NAA50: variants seen among roughly 807,000 people sequenced by gnomAD.
NAA50 encodes N-alpha-acetyltransferase 50, NatE catalytic subunit, also known as N-alpha-acetyltransferase 50.
In NAA50, 7 loss-of-function variants were observed where a neutral mutation model predicts 20.7. The observed-to-expected ratio is 0.34, with a 90% CI of 0.19 to 0.63. NAA50 has a LOEUF of 0.63. Among genes scored for constraint, NAA50 ranks in the 30% least tolerant of loss-of-function variants. NAA50 has a pLI of 0.75. For missense variants in NAA50, 111 were observed against 199.1 expected (o/e 0.56, Z 2.66); for synonymous variants, 54 against 70.6 (o/e 0.77, Z 1.18).
chr3:113,745,768 A>T, intron 1 of NAA50, 174 bp downstream of exon 1: 1 of 761,872 alleles, frequency 1.3e-6, no homozygotes, highest in East Asian at 3.3e-5. Context: ...GCCCGCCAAC[A>T]GCCCGAGCCT....
At chr3:113,722,061 G>C (rs894090349) in intron 4 of NAA50, 124 bp from the exon 5 acceptor site, 34 of 847,704 alleles carry the variant, frequency 4.0e-5, no homozygotes, top group Non-Finnish European at 6.0e-5. Flanking sequence ...AATCAACAAG[G>C]GTTAGGCATG....
At position 113,718,377 on chromosome 3, in the gene NAA50, C is replaced by T. The variant is rs1179274742; in HGVS notation, c.*3383G>A. ...CACCCAGTTAAGCAGCTCCTAGATT[C>T]CTGATCCAGAACTGTGGAAGGTAAT... On this transcript the variant is annotated 3_prime_UTR_variant, in exon 5 of 5. Coordinates refer to ENST00000240922, the MANE Select transcript of NAA50 (RefSeq NM_025146.4). 1 of 152,218 alleles carries T rather than the reference C, an allele frequency of 6.6e-6. No individual in the cohort carries two copies. Among genetic ancestry groups the T allele is most frequent in the Non-Finnish European group, 1.5e-5 (1 of 68,070 alleles). The allele number at this position is 152,218 out of a possible 1,614,324, so 9.4% of individuals were successfully genotyped here.
chr3:113,736,475 T>C (rs1444456613), intron 1 of NAA50, among the ~76,000 whole-genome samples: 5 of 152,226 alleles, frequency 3.3e-5, no homozygotes, highest in Non-Finnish European at 7.3e-5. Flanking sequence ...GGTTAGACTA[T>C]GCTAGTAAGA....
At chr3:113,733,900 A>G (rs1013980467) in intron 1 of NAA50, among the ~76,000 whole-genome samples, 1 of 151,434 alleles carries the variant, frequency 6.6e-6, no homozygotes, top group Non-Finnish European at 1.5e-5. Context: ...TTCATATTAA[A>G]TATTAAAGTA....
At chr3:113,745,660 G>A in intron 1 of NAA50, 1 of 442,690 alleles carries the variant, frequency 2.3e-6, no homozygotes, top group Non-Finnish European at 4.0e-6. Context: ...GCCTTTCCAT[G>A]TTGCCCCACT....
At chr3:113,723,663 A>G in intron 2 of NAA50, 122 bp from the exon 3 acceptor site, 1 of 1,179,300 alleles carries the variant, frequency 8.5e-7, no homozygotes, top group Non-Finnish European at 1.2e-6. Flanking sequence ...TTTCATGAAT[A>G]TCAATGATCT....
intron 1 of NAA50, among the ~76,000 whole-genome samples, chr3:113,724,299 C>A (rs1426304099): frequency 6.6e-6 from 1 of 152,134 alleles, no homozygotes; most frequent in African/African-American, 2.4e-5. Flanking sequence ...TAATTACATA[C>A]ATTCAGGGAC....
At chr3:113,736,383 AG>A (rs1358517969) in intron 1 of NAA50, among the ~76,000 whole-genome samples, 2 of 152,216 alleles carry the variant, frequency 1.3e-5, no homozygotes, top group African/African-American at 2.4e-5. Flanking sequence ...TGAAAAATGC[AG>A]TTACTTATCT....
At chr3:113,732,395 T>C (rs867485327) in intron 1 of NAA50, among the ~76,000 whole-genome samples, 1 of 152,318 alleles carries the variant, frequency 6.6e-6, no homozygotes, top group Middle Eastern at 3.4e-3. Flanking sequence ...AACACAATCC[T>C]ACTGTATTAG....
At chr3:113,733,983 A>G (rs1203501394) in intron 1 of NAA50, among the ~76,000 whole-genome samples, 1 of 152,156 alleles carries the variant, frequency 6.6e-6, no homozygotes, top group African/African-American at 2.4e-5. Flanking sequence ...GGAAAAGGGA[A>G]AAGTATAGGT....
chr3:113,723,835 C>CCCAT, intron 2 of NAA50, 124 bp downstream of exon 2: 2 of 1,111,318 alleles, frequency 1.8e-6, no homozygotes, highest in Admixed American at 3.1e-5. Flanking sequence ...CTAGACCACT[C>CCCAT]CCATTTCCTC....
intron 1 of NAA50, chr3:113,741,049 G>C: frequency 2.0e-6 from 1 of 489,758 alleles, no homozygotes; most frequent in Non-Finnish European, 4.0e-6. Flanking sequence ...CAGTGTCTGA[G>C]AATCTGAACT....
At chr3:113,745,856 T>C in intron 1 of NAA50, 86 bp downstream of exon 1, 1 of 1,472,676 alleles carries the variant, frequency 6.8e-7, no homozygotes, top group Non-Finnish European at 9.2e-7. Context: ...CCTGAATCTC[T>C]CCTCGCCTTT....
intron 1 of NAA50, among the ~76,000 whole-genome samples, chr3:113,727,439 G>C (rs985397522): frequency 6.6e-6 from 1 of 152,076 alleles, no homozygotes; most frequent in Non-Finnish European, 1.5e-5. Context: ...AATAATACCA[G>C]GTATTTCTTG....
Position 113,745,993 on chromosome 3 carries a change from C to T in NAA50, c.-44G>A. ...CCGTCGTTACCACCGATATCAACGC[C>T]GTCGTAGTCGCCGCCCTTAGGTCTC... On this transcript the variant is annotated 5_prime_UTR_variant, in exon 1 of 5. Transcript: ENST00000240922. 1 of 1,605,500 alleles carries T rather than the reference C, an allele frequency of 6.2e-7. No homozygotes were observed. Among genetic ancestry groups the T allele is most frequent in the South Asian group, 1.1e-5 (1 of 90,782 alleles).
chr3:113,741,955 GAAAT>G (rs946294263), intron 1 of NAA50, among the ~76,000 whole-genome samples: 10 of 152,166 alleles, frequency 6.6e-5, no homozygotes, highest in Admixed American at 6.5e-4. Context: ...ATTAAATACT[GAAAT>G]AAATTTTATT....
rs116389844 is a variant in NAA50, at chr3:113,745,243, A to T, written c.8+699T>A. 8.9e-3 allele frequency among the ~76,000 whole-genome samples: 1,354 copies of T among 152,336 alleles called. 16 individuals carry two copies. The highest frequency in any genetic ancestry group is 0.031 in the African/African-American group (1,281 of 41,566). ...ACTTTGCCAATCACCTGAAAGGAGC[A>T]GCGTGGTAGAACTACCCAGGACCGC... On this transcript the variant is annotated intron_variant, in intron 1 of 4. Coordinates refer to ENST00000240922, the MANE Select transcript of NAA50 (RefSeq NM_025146.4).
intron 1 of NAA50, among the ~76,000 whole-genome samples, chr3:113,734,073 A>C (rs1258403481): frequency 6.6e-6 from 1 of 152,146 alleles, no homozygotes; most frequent in Non-Finnish European, 1.5e-5. Context: ...GTTTCATTTC[A>C]TAAATGTTTA....
At chr3:113,735,539 CTTCTGTT>C (rs1399459926) in intron 1 of NAA50, among the ~76,000 whole-genome samples, 2 of 152,214 alleles carry the variant, frequency 1.3e-5, no homozygotes, top group African/African-American at 4.8e-5. Context: ...TGTTTGCTTA[CTTCTGTT>C]AAGAATGTAA....
Sources: allele counts gnomAD v4.1 joint callset (sites outside exome capture counted in the v4.1 genomes callset), GRCh38; gene constraint gnomAD v4.1.1; transcripts MANE v1.5; gene names NCBI Gene and HGNC (gene_info 2026-07-23, HGNC 2026-07-21).